The following DYNC1I1 variants were observed in gnomAD, a reference collection of about 807,000 sequenced individuals.
The protein encoded by DYNC1I1 is cytoplasmic dynein 1 intermediate chain 1.
A neutral mutation model predicts 86.6 loss-of-function variants in DYNC1I1; 43 were observed. The observed-to-expected ratio is 0.50, with a 90% CI of 0.39 to 0.64. DYNC1I1 has a LOEUF of 0.64. Among genes scored for constraint, DYNC1I1 ranks in the 30% least tolerant of loss-of-function variants. The pLI is 0.00. For missense variants in DYNC1I1, 604 were observed against 788.8 expected, an observed-to-expected ratio of 0.77 and a Z score of 2.81; for synonymous variants, 262 against 283.7, an observed-to-expected ratio of 0.92 and a Z score of 0.77.
At chr7:96,109,001 G>A (rs1458162977) in intron 16 of DYNC1I1, among the ~76,000 whole-genome samples, 1 of 151,722 alleles carries the variant, frequency 6.6e-6, no homozygotes, top group Non-Finnish European at 1.5e-5. Flanking sequence ...TTCATTTATT[G>A]GCATAAATTT....
intron 4 of DYNC1I1, among the ~76,000 whole-genome samples, chr7:95,826,065 T>G (rs1260400594): frequency 6.6e-6 from 1 of 152,206 alleles, no homozygotes; most frequent in Non-Finnish European, 1.5e-5. Context: ...AGCAGCAGCA[T>G]CTGTATGTCC....
chr7:96,068,714 T>C (rs1790069342), intron 14 of DYNC1I1, among the ~76,000 whole-genome samples: 1 of 152,164 alleles, frequency 6.6e-6, no homozygotes, highest in African/African-American at 2.4e-5. Flanking sequence ...GAAATAAATA[T>C]GAAGGGGGAA....
chr7:95,899,596 G>A (rs1390612959), intron 6 of DYNC1I1, among the ~76,000 whole-genome samples: 1 of 152,200 alleles, frequency 6.6e-6, no homozygotes, highest in Non-Finnish European at 1.5e-5. Context: ...GAAAAATGGA[G>A]ATGGAGAACA....
At chr7:95,830,404 T>G (rs573899378) in intron 5 of DYNC1I1, among the ~76,000 whole-genome samples, 1 of 152,278 alleles carries the variant, frequency 6.6e-6, no homozygotes, top group African/African-American at 2.4e-5. Context: ...ACATCTGATC[T>G]GCTTTCTATC....
intron 14 of DYNC1I1, among the ~76,000 whole-genome samples, chr7:96,061,053 C>A (rs1175656159): frequency 6.6e-6 from 1 of 152,080 alleles, no homozygotes; most frequent in Non-Finnish European, 1.5e-5. Context: ...CAAGATCAGA[C>A]CCTTTGCGAG....
intron 1 of DYNC1I1, among the ~76,000 whole-genome samples, chr7:95,789,100 A>T (rs1794223364): frequency 6.6e-6 from 1 of 152,228 alleles, no homozygotes; most frequent in Admixed American, 6.5e-5. Flanking sequence ...ACACATGAGT[A>T]TCAGAAGGGT....
intron 16 of DYNC1I1, among the ~76,000 whole-genome samples, chr7:96,107,748 G>A (rs1352949206): frequency 3.3e-5 from 5 of 151,378 alleles, no homozygotes; most frequent in Non-Finnish European, 5.9e-5. Flanking sequence ...GGCTGGTCTC[G>A]AACTCCTGAC....
chr7:95,829,372 C>T (rs547405675), intron 5 of DYNC1I1, among the ~76,000 whole-genome samples: 1 of 152,198 alleles, frequency 6.6e-6, no homozygotes, highest in Non-Finnish European at 1.5e-5. Flanking sequence ...TTTAACCTTA[C>T]TAAATTCTTG....
intron 6 of DYNC1I1, among the ~76,000 whole-genome samples, chr7:95,909,076 A>G: frequency 6.6e-6 from 1 of 151,530 alleles, no homozygotes; most frequent in African/African-American, 2.4e-5. Context: ...AAGACTGATG[A>G]AATACCAAAG....
At chr7:95,924,269 C>T (rs900012815) in intron 6 of DYNC1I1, among the ~76,000 whole-genome samples, 4 of 152,108 alleles carry the variant, frequency 2.6e-5, no homozygotes, top group Admixed American at 1.3e-4. Flanking sequence ...AATGTGTGTT[C>T]CTTCCAATAC....
chr7:95,895,630 C>T (rs1410131390), intron 6 of DYNC1I1, among the ~76,000 whole-genome samples: 1 of 151,946 alleles, frequency 6.6e-6, no homozygotes, highest in African/African-American at 2.4e-5. Flanking sequence ...ATTTTGAACT[C>T]GAATAAGAAA....
intron 7 of DYNC1I1, among the ~76,000 whole-genome samples, chr7:95,979,429 G>A (rs948637410): frequency 6.6e-6 from 1 of 152,202 alleles, no homozygotes; most frequent in African/African-American, 2.4e-5. Context: ...ATAAAAGTTT[G>A]CTAAATTATC....
intron 16 of DYNC1I1, among the ~76,000 whole-genome samples, chr7:96,085,820 A>G (rs1461974380): frequency 6.6e-6 from 1 of 152,204 alleles, no homozygotes. Context: ...ATGGCTTGCA[A>G]TTTGTTTGTT....
chr7:96,103,132 G>A (rs1187173506), downstream of DYNC1I1, among the ~76,000 whole-genome samples: 2 of 152,202 alleles, frequency 1.3e-5, no homozygotes, highest in Non-Finnish European at 2.9e-5. Context: ...ACGTGGCCAT[G>A]TGTAGGGAAG....
intron 6 of DYNC1I1, among the ~76,000 whole-genome samples, chr7:95,964,039 C>T (rs1410720962): frequency 6.6e-6 from 1 of 152,066 alleles, no homozygotes; most frequent in African/African-American, 2.4e-5. Context: ...GAAAACTTGA[C>T]GTTGAAACCA....
intron 6 of DYNC1I1, among the ~76,000 whole-genome samples, chr7:95,947,773 A>G (rs1242057709): frequency 6.6e-6 from 1 of 152,178 alleles, no homozygotes; most frequent in African/African-American, 2.4e-5. Flanking sequence ...TTAGGATCAG[A>G]GTGGGTGTTT....
Position 96,098,348 on chromosome 7 carries a change from T to G in DYNC1I1, c.*755T>G, listed in dbSNP as rs1365549659. The G allele has an allele frequency of 1.0e-6, 1 of 985,638 alleles. No homozygotes were observed. The highest frequency in any genetic ancestry group is 1.1e-4 in the East Asian group (1 of 8,836). The allele number at this position is 985,638 out of a possible 1,614,324, so 61.1% of individuals were successfully genotyped here. A position where few individuals can be genotyped will look rare whatever the true frequency, so the allele number is the denominator to read the frequency against. ...ATCATTGACCACTAATACTTCTCAC[T>G]GAAGCTAACACAGTCTGACAAAAGT... is the stretch of plus-strand genomic sequence containing the variant. On this transcript the variant is annotated 3_prime_UTR_variant, in exon 17 of 17. Transcript: ENST00000447467.
intron 10 of DYNC1I1, among the ~76,000 whole-genome samples, chr7:96,022,220 G>T (rs1419009887): frequency 6.6e-6 from 1 of 152,118 alleles, no homozygotes; most frequent in Non-Finnish European, 1.5e-5. Flanking sequence ...TAAATGGTAT[G>T]TCATTGTGGT....
Position 95,962,416 on chromosome 7 carries a change from CTTT to C in DYNC1I1, c.491-15095_491-15093del, listed in dbSNP as rs1792894602. ...CTAAATAATAGCTGCTTCTGTGGGTCTTTCTAGCCCTTTGTTTCTGTGATTATT... is the reference window on the plus strand; with the variant it reads ...CTAAATAATAGCTGCTTCTGTGGGTCCTAGCCCTTTGTTTCTGTGATTATT... On this transcript the variant is annotated intron_variant, in intron 6 of 16. Transcript: ENST00000447467. Among the ~76,000 whole-genome samples, 8 of 152,342 alleles carry C rather than the reference CTTT, an allele frequency of 5.3e-5. No individual in the cohort carries two copies. In the South Asian group the frequency reaches 8.3e-4, roughly 16 times the overall value.
Sources: allele counts gnomAD v4.1 joint callset (sites outside exome capture counted in the v4.1 genomes callset), GRCh38; gene constraint gnomAD v4.1.1; transcripts MANE v1.5; gene names NCBI Gene and HGNC (gene_info 2026-07-23, HGNC 2026-07-21).